ANK3: variants seen among roughly 807,000 people sequenced by gnomAD.
ANK3 encodes the protein ankyrin 3, also known as ankyrin-3.
A neutral mutation model predicts 370.9 loss-of-function variants in ANK3; 57 were observed. The ratio of observed to expected loss-of-function variants is 0.15; its 90% confidence interval spans 0.12 to 0.19. ANK3 has a LOEUF of 0.19. ANK3 is among the 10% of genes least tolerant of loss of function. ANK3 has a pLI of 1.00. For synonymous variants in ANK3, 1,929 were observed against 1,946.3 expected, an observed-to-expected ratio of 0.99 and a Z score of 0.23; for missense variants, 4,439 against 5,302.1, an observed-to-expected ratio of 0.84 and a Z score of 5.06.
At chr10:60,062,905 T>C (rs947619675) in intron 40 of ANK3, 1 of 410,610 alleles carries the variant, frequency 2.4e-6, no homozygotes, top group Non-Finnish European at 4.2e-6. Context: ...TCATGATTTA[T>C]ATTGTATATT....
chr10:60,661,224 T>C (rs2078932261), intron 1 of ANK3, among the ~76,000 whole-genome samples: 1 of 151,894 alleles, frequency 6.6e-6, no homozygotes, highest in Non-Finnish European at 1.5e-5. Context: ...CAGTTTTATG[T>C]ATACTTGCCA....
At chr10:60,183,942 T>A (rs1049066655) in intron 17 of ANK3, among the ~76,000 whole-genome samples, 7 of 151,778 alleles carry the variant, frequency 4.6e-5, no homozygotes, top group African/African-American at 9.7e-5. Flanking sequence ...TTCTTTCAGT[T>A]GTATAAAAAA....
At chr10:60,056,469 AAAAT>A (rs979204366) in intron 41 of ANK3, among the ~76,000 whole-genome samples, 5 of 152,156 alleles carry the variant, frequency 3.3e-5, no homozygotes, top group Admixed American at 1.3e-4. Context: ...ACTCTGTCTC[AAAAT>A]AAATAAATAA....
At chr10:60,226,503 A>AC (rs2097152789) in intron 8 of ANK3, among the ~76,000 whole-genome samples, 1 of 92,440 alleles carries the variant, frequency 1.1e-5, no homozygotes, top group Admixed American at 1.2e-4. Flanking sequence ...ATACTATAGT[A>AC]TATATACATA....
chr10:60,169,431 G>A (rs2095719642), intron 21 of ANK3, among the ~76,000 whole-genome samples: 1 of 147,582 alleles, frequency 6.8e-6, no homozygotes, highest in South Asian at 2.2e-4. Context: ...GATCACAGAG[G>A]AAAAGTGCCA....
chr10:60,071,176 G>A lies in ANK3; in HGVS notation c.9705C>T (p.Asp3235=), dbSNP rs12769318. The A allele has an allele frequency of 1.1e-4, 170 of 1,614,076 alleles. 1 individual carries two copies. The highest frequency in any genetic ancestry group is 5.5e-4 in the South Asian group (50 of 91,076). ...GTCTTTGGTTAGAGTCTTTGCTCAC[G>A]TCATTAGGCATTTCACGCTCAACTG... ...ETAVEREMPN[D]VSKDSNQRPK... The change falls in exon 37 of 44, where the codon GAC becomes GAT. Residue 3235 remains aspartate (D), a synonymous_variant. Coordinates refer to ENST00000280772, the MANE Select transcript of ANK3 (RefSeq NM_020987.5).
intron 2 of ANK3, among the ~76,000 whole-genome samples, chr10:60,451,718 C>T (rs964380809): frequency 2.6e-5 from 4 of 152,224 alleles, no homozygotes; most frequent in African/African-American, 7.2e-5. Flanking sequence ...TATGGTAGTG[C>T]TGGGCCTCTG....
At chr10:60,725,482 G>A (rs2079928423) in intron 1 of ANK3, among the ~76,000 whole-genome samples, 1 of 152,166 alleles carries the variant, frequency 6.6e-6, no homozygotes, top group Non-Finnish European at 1.5e-5. Context: ...TCCCAGAACA[G>A]CAGCCCCCAT....
intron 1 of ANK3, among the ~76,000 whole-genome samples, chr10:60,295,167 T>C (rs1337109594): frequency 6.6e-6 from 1 of 152,228 alleles, no homozygotes; most frequent in African/African-American, 2.4e-5. Flanking sequence ...TAGACTAATA[T>C]GTCACTTTCT....
intron 8 of ANK3, among the ~76,000 whole-genome samples, chr10:60,214,124 A>G (rs1245479369): frequency 6.6e-6 from 1 of 152,150 alleles, no homozygotes; most frequent in Admixed American, 6.5e-5. Context: ...TTTTGTGACC[A>G]TTCCACAAAA....
chr10:60,084,759 A>G lies in ANK3; in HGVS notation c.3917T>C (p.Ile1306Thr), dbSNP rs754420265. The change falls in exon 32 of 44, where the codon ATA (isoleucine) becomes ACA (threonine). Residue 1306 changes from isoleucine to threonine, a missense_variant. By Grantham distance (89) the Ile-to-Thr change is moderately conservative. This residue lies in a region of ANK3 where 702 missense variants were observed against 941.5 expected (regional missense o/e 0.75). Transcript: ENST00000280772. Reference sequence around the variant, plus strand: ...AAACTTGGCCATATATGGAACACATATCAATTCTCTGTACAGTTGCGTGGC... The same window carrying G: ...AAACTTGGCCATATATGGAACACATGTCAATTCTCTGTACAGTTGCGTGGC... ...GLATQLYREL[I>T]CVPYMAKFVV... 1 of 1,612,604 alleles carries G rather than the reference A, an allele frequency of 6.2e-7. No homozygotes were observed.
At chr10:60,040,397 A>C (rs2075876600) in intron 43 of ANK3, among the ~76,000 whole-genome samples, 1 of 152,142 alleles carries the variant, frequency 6.6e-6, no homozygotes, top group Non-Finnish European at 1.5e-5. Context: ...AATTCCAGGC[A>C]GTATTCTTGG....
chr10:60,256,251 G>A (rs186362792), intron 7 of ANK3, among the ~76,000 whole-genome samples: 3 of 152,350 alleles, frequency 2.0e-5, no homozygotes, highest in Admixed American at 2.0e-4. Flanking sequence ...GTAGTGTAGG[G>A]ACTAATAAAG....
At chr10:60,437,577 T>A (rs1198141514) in intron 2 of ANK3, among the ~76,000 whole-genome samples, 1 of 152,168 alleles carries the variant, frequency 6.6e-6, no homozygotes, top group East Asian at 1.9e-4. Flanking sequence ...AAGGAATGAA[T>A]GAACAGATTC....
intron 1 of ANK3, among the ~76,000 whole-genome samples, chr10:60,721,348 CA>C (rs1434975058): frequency 6.6e-6 from 1 of 152,072 alleles, no homozygotes; most frequent in Non-Finnish European, 1.5e-5. Context: ...TGGAAAAATG[CA>C]AAGGCAGACT....
At chr10:60,178,821 G>A (rs2096056286) in intron 18 of ANK3, among the ~76,000 whole-genome samples, 3 of 152,084 alleles carry the variant, frequency 2.0e-5, no homozygotes, top group Non-Finnish European at 4.4e-5. Context: ...CTTCTGAAAA[G>A]CAAAAGCAGT....
chr10:60,270,880 T>C (rs1489863604), intron 4 of ANK3, among the ~76,000 whole-genome samples: 3 of 152,156 alleles, frequency 2.0e-5, no homozygotes, highest in African/African-American at 7.2e-5. Flanking sequence ...CCTTTCTTTG[T>C]GTTTTTTTGC....
In ANK3 at chr10:60,263,965, G is replaced by A. The variant is rs868365286; in HGVS notation, c.569C>T (p.Ser190Leu). 5 of 1,614,048 alleles carry A rather than the reference G, an allele frequency of 3.1e-6. No homozygotes were observed. Among genetic ancestry groups the A allele is most frequent in the African/African-American group, 1.3e-5 (1 of 75,024 alleles). ...ALQQGHDQVV[S>L]LLLENDTKGK... The stretch of plus-strand genomic sequence containing the variant: ...TTTGGTGTCATTCTCTAGCAGGAGC[G>A]AAACGACTTGGTCGTGACCTTGTTG... The change falls in exon 6 of 44, where the codon TCG becomes TTG. Residue 190 changes from serine (S) to leucine (L), a missense_variant. By Grantham distance (145) the Ser-to-Leu change is moderately radical. This residue lies in a region of ANK3 where 136 missense variants were observed against 230.5 expected (regional missense o/e 0.59). Transcript: ENST00000280772.
chr10:60,713,892 T>A (rs2079745295), intron 1 of ANK3, among the ~76,000 whole-genome samples: 3 of 148,096 alleles, frequency 2.0e-5, no homozygotes, highest in African/African-American at 5.1e-5. Context: ...AAAAGAAAAA[T>A]TACAACAGAA....
Sources: allele counts gnomAD v4.1 joint callset (sites outside exome capture counted in the v4.1 genomes callset), GRCh38; gene constraint gnomAD v4.1.1; regional missense constraint gnomAD v4.1.1; transcripts MANE v1.5; gene names NCBI Gene and HGNC (gene_info 2026-07-23, HGNC 2026-07-21).